MTUS2: variants seen among roughly 807,000 people sequenced by gnomAD.
MTUS2 encodes the protein microtubule-associated tumor suppressor candidate 2.
MTUS2 carries 40 observed loss-of-function variants against 114.1 expected under a neutral mutation model. That is an observed-to-expected ratio of 0.35 (90% CI 0.27 to 0.46). The LOEUF (loss-of-function observed/expected upper bound fraction) is 0.46, where lower values mean the gene tolerates loss of function less well. MTUS2 is among the 20% of genes least tolerant of loss of function. The pLI is 1.00. For synonymous variants in MTUS2, 688 were observed against 672.0 expected, an observed-to-expected ratio of 1.02 and a Z score of -0.37; for missense variants, 1,679 against 1,705.4, an observed-to-expected ratio of 0.98 and a Z score of 0.27.
chr13:29,196,006 T>A (rs774398063), intron 5 of MTUS2, among the ~76,000 whole-genome samples: 1 of 152,028 alleles, frequency 6.6e-6, no homozygotes, highest in Non-Finnish European at 1.5e-5. Flanking sequence ...CCTGGCAACA[T>A]TGGGGAGGAT....
rs1566166767 is a variant in MTUS2, at chr13:28,835,402, C to T, written c.-315-4376C>T. Among the ~76,000 whole-genome samples the T allele has an allele frequency of 6.6e-5, 10 of 152,230 alleles. No individual in the cohort carries two copies. The South Asian group carries it at 2.1e-3, about 32-fold the overall frequency. Reference sequence around the variant, plus strand: ...TTTGTTAATTGAAAAAAGCCAGACACAAAATACCACCTGTTATATGATTCT... The same window carrying T: ...TTTGTTAATTGAAAAAAGCCAGACATAAAATACCACCTGTTATATGATTCT... On this transcript the variant is annotated intron_variant, in intron 1 of 15. Transcript: ENST00000612955.
chr13:28,830,899 A>G (rs903260886), intron 1 of MTUS2, among the ~76,000 whole-genome samples: 3 of 152,232 alleles, frequency 2.0e-5, no homozygotes, highest in Non-Finnish European at 4.4e-5. Context: ...AAAAACTGTC[A>G]ATCAAGAATT....
At chr13:28,877,221 G>C (rs1350081952) in intron 2 of MTUS2, among the ~76,000 whole-genome samples, 2 of 151,484 alleles carry the variant, frequency 1.3e-5, no homozygotes, top group African/African-American at 4.8e-5. Flanking sequence ...AGGAGGCTGA[G>C]GCAGGAGGAT....
rs143123151 is a variant in MTUS2 at position 29,031,342 on chromosome 13, A to G, written c.2206-2543A>G. ...ATATATTATCTATATATGTTTCAATATATATATCTCATATGTAGAGACAGA... is the reference window on the plus strand; with the variant it reads ...ATATATTATCTATATATGTTTCAATGTATATATCTCATATGTAGAGACAGA... On this transcript the variant is annotated intron_variant, in intron 3 of 15. Coordinates refer to ENST00000612955, the MANE Select transcript of MTUS2 (RefSeq NM_001033602.4). Among the ~76,000 whole-genome samples, 42 of 151,168 alleles carry G rather than the reference A, an allele frequency of 2.8e-4. 1 individual carries two copies. Among genetic ancestry groups the G allele is most frequent in the African/African-American group, 9.0e-4 (37 of 41,138 alleles).
intron 5 of MTUS2, among the ~76,000 whole-genome samples, chr13:29,233,772 A>C (rs1266461347): frequency 6.6e-6 from 1 of 152,240 alleles, no homozygotes; most frequent in African/African-American, 2.4e-5. Context: ...ATTGACAGGA[A>C]AGGAAGGAAA....
chr13:29,003,723 A>C (rs1054464372), intron 2 of MTUS2, among the ~76,000 whole-genome samples: 1 of 152,220 alleles, frequency 6.6e-6, no homozygotes, highest in African/African-American at 2.4e-5. Flanking sequence ...CTTTGTGCAG[A>C]AAAGGAAGGC....
chr13:29,152,671 C>A (rs746290620), intron 5 of MTUS2, among the ~76,000 whole-genome samples: 1 of 152,096 alleles, frequency 6.6e-6, no homozygotes. Context: ...ATGGACCCTT[C>A]TGTAGAGATG....
At chr13:29,099,637 C>G (rs1049756767) in intron 4 of MTUS2, among the ~76,000 whole-genome samples, 2 of 152,056 alleles carry the variant, frequency 1.3e-5, no homozygotes, top group Admixed American at 6.6e-5. Flanking sequence ...TAATATTTTA[C>G]TGGATAATGA....
intron 10 of MTUS2, chr13:29,484,276 TG>T (rs988303912): frequency 1.3e-5 from 2 of 152,312 alleles, no homozygotes; most frequent in Admixed American, 6.5e-5. Flanking sequence ...GAGGCCACTT[TG>T]TCCCTCATCT....
intron 2 of MTUS2, among the ~76,000 whole-genome samples, chr13:28,991,428 G>A (rs1186243492): frequency 6.7e-6 from 1 of 149,770 alleles, no homozygotes; most frequent in Non-Finnish European, 1.5e-5. Flanking sequence ...GAGTGCAGTG[G>A]TGCGATCTTG....
chr13:28,998,660 C>T (rs540882533), intron 2 of MTUS2, among the ~76,000 whole-genome samples: 126 of 152,258 alleles, frequency 8.3e-4, no homozygotes, highest in African/African-American at 2.9e-3. Context: ...ATTGCTGATA[C>T]GCTTTCTTCC....
At chr13:29,169,897 C>T (rs1893481395) in intron 5 of MTUS2, among the ~76,000 whole-genome samples, 1 of 152,192 alleles carries the variant, frequency 6.6e-6, no homozygotes, top group Non-Finnish European at 1.5e-5. Flanking sequence ...TTCCTATTGC[C>T]TCGCCTAGCT....
chr13:28,949,546 G>A (rs1394590670), intron 2 of MTUS2, among the ~76,000 whole-genome samples: 1 of 152,052 alleles, frequency 6.6e-6, no homozygotes, highest in Non-Finnish European at 1.5e-5. Context: ...TCACAGTATT[G>A]TGTAACCAAT....
intron 3 of MTUS2, among the ~76,000 whole-genome samples, chr13:29,027,816 G>A (rs896865573): frequency 5.3e-5 from 8 of 152,118 alleles, no homozygotes; most frequent in Admixed American, 5.2e-4. Flanking sequence ...TGGGATTACA[G>A]GCGTGAGCCA....
chr13:29,216,005 C>T (rs1448990055), intron 5 of MTUS2, among the ~76,000 whole-genome samples: 3 of 152,184 alleles, frequency 2.0e-5, no homozygotes, highest in Admixed American at 6.5e-5. Flanking sequence ...GGTGCTCTGT[C>T]CCAGGGAGAT....
intron 4 of MTUS2, among the ~76,000 whole-genome samples, chr13:29,072,888 T>G (rs956637972): frequency 6.6e-6 from 1 of 152,248 alleles, no homozygotes; most frequent in Non-Finnish European, 1.5e-5. Context: ...CAGTGTCTAT[T>G]TATAAGCAGA....
At chr13:29,203,712 A>T (rs1000628177) in intron 5 of MTUS2, among the ~76,000 whole-genome samples, 3 of 152,062 alleles carry the variant, frequency 2.0e-5, no homozygotes, top group Non-Finnish European at 2.9e-5. Context: ...AAAGCATAGT[A>T]TCTGGGCTGG....
chr13:29,010,252 C>G (rs115700679), intron 2 of MTUS2, among the ~76,000 whole-genome samples: 139 of 151,732 alleles, frequency 9.2e-4, no homozygotes, highest in Middle Eastern at 3.4e-3. Context: ...CTGACACACA[C>G]ATGCACACTT....
At chr13:28,844,590 A>AGTGTGTGTGTGTGTGTGTGTGT in intron 2 of MTUS2, among the ~76,000 whole-genome samples, 1 of 148,196 alleles carries the variant, frequency 6.7e-6, no homozygotes, top group Non-Finnish European at 1.5e-5. Flanking sequence ...TTTGTGTGTG[A>AGTGTGTGTGTGTGTGTGTGTGT]GTGTGTGTGT....
Sources: gnomAD v4.1 joint callset for allele counts (sites outside exome capture counted in the v4.1 genomes callset) on GRCh38, gnomAD v4.1.1 for gene constraint, MANE v1.5 for transcripts, NCBI Gene and HGNC (gene_info 2026-07-23, HGNC 2026-07-21) for gene names.